Variants in CNTNAP5 observed in about 807,000 individuals in gnomAD.
CNTNAP5 encodes the protein contactin associated protein family member 5.
CNTNAP5 carries 72 observed loss-of-function variants against 150.2 expected under a neutral mutation model. That is an observed-to-expected ratio of 0.48 (90% CI 0.40 to 0.58). The LOEUF (loss-of-function observed/expected upper bound fraction) is 0.58, where lower values mean the gene tolerates loss of function less well. Ranked by LOEUF, CNTNAP5 falls within the 20% of genes least tolerant of loss-of-function variation. The probability of loss-of-function intolerance (pLI) is 0.00; values close to 1 mark genes in which losing one functional copy is unlikely to be tolerated. For synonymous variants in CNTNAP5, 672 were observed against 619.8 expected, an observed-to-expected ratio of 1.08 and a Z score of -1.25; for missense variants, 1,636 against 1,626.2, an observed-to-expected ratio of 1.01 and a Z score of -0.10.
intron 1 of CNTNAP5, among the ~76,000 whole-genome samples, chr2:124,091,511 T>C (rs1326696364): frequency 6.6e-6 from 1 of 152,186 alleles, no homozygotes; most frequent in Non-Finnish European, 1.5e-5. Context: ...ACCTCAGTTT[T>C]AATGTCATGA....
chr2:124,260,714 T>C (rs909721416), intron 3 of CNTNAP5, among the ~76,000 whole-genome samples: 2 of 152,104 alleles, frequency 1.3e-5, no homozygotes, highest in African/African-American at 2.4e-5. Context: ...AAACAAATGG[T>C]TTTGGATGAG....
chr2:124,597,097 A>G (rs1456545436), intron 11 of CNTNAP5, among the ~76,000 whole-genome samples: 1 of 150,570 alleles, frequency 6.6e-6, no homozygotes, highest in Non-Finnish European at 1.5e-5. Context: ...TCTTTATCCA[A>G]TTTGCCAGTC....
chr2:124,638,584 G>C (rs1678021733), intron 12 of CNTNAP5, among the ~76,000 whole-genome samples: 1 of 152,070 alleles, frequency 6.6e-6, no homozygotes, highest in Non-Finnish European at 1.5e-5. Flanking sequence ...ACAGTGTAAA[G>C]CATTTTCATG....
intron 13 of CNTNAP5, among the ~76,000 whole-genome samples, chr2:124,716,475 A>T (rs1448335872): frequency 6.6e-6 from 1 of 151,996 alleles, no homozygotes; most frequent in Non-Finnish European, 1.5e-5. Context: ...AGTACAAGCT[A>T]TAACTTATAT....
At chr2:124,699,103 A>G (rs1679466152) in intron 13 of CNTNAP5, among the ~76,000 whole-genome samples, 1 of 152,190 alleles carries the variant, frequency 6.6e-6, no homozygotes, top group Admixed American at 6.5e-5. Flanking sequence ...TGACAGCTAC[A>G]ATACTGTATA....
At chr2:124,251,434 G>A (rs994708412) in intron 3 of CNTNAP5, among the ~76,000 whole-genome samples, 9 of 150,754 alleles carry the variant, frequency 6.0e-5, no homozygotes, top group Admixed American at 1.3e-4. Context: ...TAAAAATTGG[G>A]CTGGAGTTAT....
intron 3 of CNTNAP5, among the ~76,000 whole-genome samples, chr2:124,305,779 A>T (rs1688673830): frequency 6.6e-6 from 1 of 152,208 alleles, no homozygotes; most frequent in Non-Finnish European, 1.5e-5. Context: ...ACCATGTGCC[A>T]ACATCTTTAT....
chr2:124,638,978 C>A (rs142430894), intron 12 of CNTNAP5, among the ~76,000 whole-genome samples: 1,842 of 152,278 alleles, frequency 0.012, 18 homozygotes, highest in Middle Eastern at 0.024. Flanking sequence ...TATATAACCT[C>A]GGCTGCACAG....
intron 1 of CNTNAP5, among the ~76,000 whole-genome samples, chr2:124,064,233 A>G (rs1682095261): frequency 6.6e-6 from 1 of 152,202 alleles, no homozygotes; most frequent in Admixed American, 6.5e-5. Flanking sequence ...TAGAAAGAAT[A>G]TAACTGATAC....
At chr2:124,857,859 A>T (rs1677415668) in intron 19 of CNTNAP5, among the ~76,000 whole-genome samples, 10 of 151,934 alleles carry the variant, frequency 6.6e-5, no homozygotes, top group Admixed American at 6.6e-4. Flanking sequence ...AAACATATAC[A>T]CCCAATTCAA....
At chr2:124,764,434 A>G (rs1176562062) in intron 16 of CNTNAP5, among the ~76,000 whole-genome samples, 2 of 152,194 alleles carry the variant, frequency 1.3e-5, no homozygotes, top group African/African-American at 4.8e-5. Context: ...TTAATCTTCC[A>G]CACTACAGGA....
chr2:124,433,812 A>G lies in CNTNAP5; in HGVS notation c.530-672A>G, dbSNP rs183445532. ...TTACACATACCTGTTACATAAGTTTATCTAAATCATGGTTACTTGACCTTC... is the reference window on the plus strand; with the variant it reads ...TTACACATACCTGTTACATAAGTTTGTCTAAATCATGGTTACTTGACCTTC... On this transcript the variant is annotated intron_variant, in intron 4 of 23. Transcript: ENST00000682447. 3.6e-3 allele frequency among the ~76,000 whole-genome samples: 551 copies of G among 152,312 alleles called. 3 individuals are homozygous for G. The highest frequency in any genetic ancestry group is 3.8e-3 in the Non-Finnish European group (260 of 68,028).
intron 3 of CNTNAP5, among the ~76,000 whole-genome samples, chr2:124,263,133 AGC>A: frequency 6.6e-6 from 1 of 152,300 alleles, no homozygotes. Flanking sequence ...CCTTTATAAC[AGC>A]ATGATTTATA....
At chr2:124,358,070 C>T (rs367841102) in intron 3 of CNTNAP5, among the ~76,000 whole-genome samples, 2 of 152,102 alleles carry the variant, frequency 1.3e-5, no homozygotes, top group Non-Finnish European at 2.9e-5. Flanking sequence ...TTTGAAGCAA[C>T]TGTGAATGGG....
chr2:124,784,046 A>T (rs555502416), intron 17 of CNTNAP5, among the ~76,000 whole-genome samples: 1 of 152,310 alleles, frequency 6.6e-6, no homozygotes, highest in African/African-American at 2.4e-5. Context: ...ACCTTCTGCC[A>T]CTTTAGTCAA....
At chr2:124,199,116 G>A (rs1030621517) in intron 1 of CNTNAP5, among the ~76,000 whole-genome samples, 4 of 151,832 alleles carry the variant, frequency 2.6e-5, no homozygotes, top group Non-Finnish European at 5.9e-5. Context: ...GGAATATCTT[G>A]CATATTCTTG....
intron 19 of CNTNAP5, among the ~76,000 whole-genome samples, chr2:124,809,117 G>C (rs1157149076): frequency 6.6e-6 from 1 of 151,978 alleles, no homozygotes; most frequent in Non-Finnish European, 1.5e-5. Context: ...ATGATCACCA[G>C]ACAGTAAAGC....
At chr2:124,485,516 G>A (rs1265042106) in intron 7 of CNTNAP5, among the ~76,000 whole-genome samples, 1 of 150,762 alleles carries the variant, frequency 6.6e-6, no homozygotes, top group Non-Finnish European at 1.5e-5. Flanking sequence ...AGGAGGCTGA[G>A]GCAGGAGAAT....
At chr2:124,692,517 G>A (rs1679319867) in intron 13 of CNTNAP5, among the ~76,000 whole-genome samples, 1 of 152,046 alleles carries the variant, frequency 6.6e-6, no homozygotes, top group African/African-American at 2.4e-5. Context: ...TGAAACAACT[G>A]CTCTCAGATT....
Sources: gnomAD v4.1 joint callset for allele counts (sites outside exome capture counted in the v4.1 genomes callset) on GRCh38, gnomAD v4.1.1 for gene constraint, MANE v1.5 for transcripts, NCBI Gene and HGNC (gene_info 2026-07-23, HGNC 2026-07-21) for gene names.